STARD13: variants seen among roughly 807,000 people sequenced by gnomAD.
STARD13 encodes the protein StAR related lipid transfer domain containing 13.
STARD13 carries 62 observed loss-of-function variants against 106.4 expected under a neutral mutation model. That is an observed-to-expected ratio of 0.58 (90% CI 0.48 to 0.72). The LOEUF (loss-of-function observed/expected upper bound fraction) is 0.72. STARD13 is among the 30% of genes least tolerant of loss of function. The pLI, the probability that STARD13 is intolerant of heterozygous loss-of-function variation, is 0.00. For synonymous variants in STARD13, 565 were observed against 553.0 expected, an observed-to-expected ratio of 1.02 and a Z score of -0.31; for missense variants, 1,387 against 1,424.0, an observed-to-expected ratio of 0.97 and a Z score of 0.42.
At chr13:33,181,520 T>C (rs1299598855) in intron 1 of STARD13, among the ~76,000 whole-genome samples, 2 of 152,106 alleles carry the variant, frequency 1.3e-5, no homozygotes, top group African/African-American at 2.4e-5. Context: ...AAGAGAAAAA[T>C]ATTTATAGAT....
chr13:33,107,306 T>C (rs1375396659), intron 12 of STARD13, among the ~76,000 whole-genome samples: 1 of 152,144 alleles, frequency 6.6e-6, no homozygotes, highest in South Asian at 2.1e-4. Flanking sequence ...CAGATAGACA[T>C]GCCAGTCTCT....
chr13:33,647,031 T>C, the STARD13 span, among the ~76,000 whole-genome samples: 1 of 152,102 alleles, frequency 6.6e-6, no homozygotes, highest in Non-Finnish European at 1.5e-5. Context: ...AATAAAAAAT[T>C]TAAAAGGAAA....
At chr13:33,337,986 G>T (rs886140063) in intron 1 of STARD13, among the ~76,000 whole-genome samples, 6 of 152,234 alleles carry the variant, frequency 3.9e-5, no homozygotes, top group Admixed American at 3.3e-4. Context: ...CCCTGCCGGG[G>T]TGTAGTGCAA....
the STARD13 span, among the ~76,000 whole-genome samples, chr13:33,466,608 G>A: frequency 1.3e-5 from 2 of 152,052 alleles, no homozygotes; most frequent in Non-Finnish European, 2.9e-5. Flanking sequence ...TGAAATGAAT[G>A]TGCTTACTAT....
chr13:33,194,818 G>C (rs1485268297), intron 1 of STARD13, among the ~76,000 whole-genome samples: 2 of 152,174 alleles, frequency 1.3e-5, no homozygotes, highest in African/African-American at 4.8e-5. Flanking sequence ...TATATATGCT[G>C]TTAGTCATTT....
the STARD13 span, among the ~76,000 whole-genome samples, chr13:33,383,910 G>C: frequency 6.6e-6 from 1 of 152,084 alleles, no homozygotes; most frequent in Non-Finnish European, 1.5e-5. Context: ...TGGAGTGTCG[G>C]GGGAGGGGAA....
At chr13:33,548,573 G>A in the STARD13 span, among the ~76,000 whole-genome samples, 4 of 152,052 alleles carry the variant, frequency 2.6e-5, no homozygotes, top group African/African-American at 9.7e-5. Context: ...AACATCAAAG[G>A]TATATAGTTG....
chr13:33,478,229 T>G, the STARD13 span, among the ~76,000 whole-genome samples: 2 of 152,184 alleles, frequency 1.3e-5, no homozygotes, highest in South Asian at 4.1e-4. Flanking sequence ...GCTTGTTGTC[T>G]CAGTGATTGG....
chr13:33,152,301 T>G (rs1307393941), intron 3 of STARD13, among the ~76,000 whole-genome samples: 1 of 151,362 alleles, frequency 6.6e-6, no homozygotes, highest in Non-Finnish European at 1.5e-5. Context: ...AGAATGGGAG[T>G]GGTGAGAGGC....
the STARD13 span, chr13:33,524,295 G>T: frequency 1.6e-6 from 2 of 1,277,896 alleles, no homozygotes; most frequent in Non-Finnish European, 1.0e-6. Flanking sequence ...CAAGATTCTG[G>T]ATGTTTGCAG....
chr13:33,161,226 C>A (rs1457957263), intron 3 of STARD13, among the ~76,000 whole-genome samples: 3 of 152,008 alleles, frequency 2.0e-5, no homozygotes, highest in African/African-American at 7.2e-5. Flanking sequence ...GTACAAAAAA[C>A]AAATCAGTGG....
At chr13:33,143,185 A>G (rs1880066350) in intron 3 of STARD13, among the ~76,000 whole-genome samples, 3 of 152,236 alleles carry the variant, frequency 2.0e-5, no homozygotes. Flanking sequence ...ATGGTGTTCC[A>G]TCATGGCAGC....
At chr13:33,506,733 C>T in the STARD13 span, among the ~76,000 whole-genome samples, 1 of 152,144 alleles carries the variant, frequency 6.6e-6, no homozygotes, top group African/African-American at 2.4e-5. Flanking sequence ...GGTATGGGTT[C>T]AGATTCTACA....
At chr13:33,378,869 G>A in the STARD13 span, among the ~76,000 whole-genome samples, 3 of 151,904 alleles carry the variant, frequency 2.0e-5, no homozygotes, top group Admixed American at 6.6e-5. Context: ...TAGGACTTTG[G>A]GAGGCTGAGG....
chr13:33,358,535 A>G, the STARD13 span, among the ~76,000 whole-genome samples: 1 of 152,118 alleles, frequency 6.6e-6, no homozygotes, highest in Admixed American at 6.5e-5. Flanking sequence ...AAGGTTTGTG[A>G]GTGCACCAAT....
At chr13:33,121,126 C>T (rs1876220054) in intron 7 of STARD13, among the ~76,000 whole-genome samples, 1 of 152,194 alleles carries the variant, frequency 6.6e-6, no homozygotes, top group African/African-American at 2.4e-5. Context: ...CTAGTGGTTG[C>T]TGTGGAAAGC....
the STARD13 span, among the ~76,000 whole-genome samples, chr13:33,449,198 C>T: frequency 6.6e-6 from 1 of 151,564 alleles, no homozygotes; most frequent in African/African-American, 2.4e-5. Flanking sequence ...TGGACATTTT[C>T]TCCTGTGTTT....
In STARD13 at chr13:33,304,824, T is replaced by C. The variant is rs142054226; in HGVS notation, c.124+45466A>G. ...TTGTTTACTTTTAGCATCTCCTCTA[T>C]ATAGGCTAAAAAGGAAACATTAACA... is the stretch of plus-strand genomic sequence containing the variant. On this transcript the variant is annotated intron_variant, in intron 1 of 5. Coordinates refer to the STARD13 transcript ENST00000567873. Among the ~76,000 whole-genome samples the C allele has an allele frequency of 4.6e-5, 7 of 152,300 alleles. No homozygotes were observed. The East Asian group carries it at 1.3e-3, about 29-fold the overall frequency.
At chr13:33,167,729 G>C (rs1055927540) in intron 1 of STARD13, 107 bp from the exon 2 acceptor site, 1 of 1,165,284 alleles carries the variant, frequency 8.6e-7, no homozygotes. Flanking sequence ...TTATTACAAA[G>C]CAAAATTGTT....
Sources: gnomAD v4.1 joint callset for allele counts (sites outside exome capture counted in the v4.1 genomes callset) on GRCh38, gnomAD v4.1.1 for gene constraint, MANE v1.5 for transcripts, NCBI Gene and HGNC (gene_info 2026-07-23, HGNC 2026-07-21) for gene names.